The following MADD variants were observed in gnomAD, a reference collection of about 807,000 sequenced individuals.
The protein encoded by MADD is MAP kinase-activating death domain protein.
In MADD, 109 loss-of-function variants were observed where a neutral mutation model predicts 176.7. That is an observed-to-expected ratio of 0.62 (90% CI 0.53 to 0.72). The LOEUF (loss-of-function observed/expected upper bound fraction) is 0.72, where lower values mean the gene tolerates loss of function less well. Among genes scored for constraint, MADD ranks in the 30% least tolerant of loss-of-function variants. The probability of loss-of-function intolerance (pLI) is 0.00; values close to 1 mark genes in which losing one functional copy is unlikely to be tolerated. For missense variants in MADD, 1,914 were observed against 2,045.5 expected, an observed-to-expected ratio of 0.94 and a Z score of 1.24; for synonymous variants, 771 against 771.3, an observed-to-expected ratio of 1.00 and a Z score of 0.01.
intron 22 of MADD, among the ~76,000 whole-genome samples, chr11:47,307,502 T>C (rs1395992908): frequency 1.3e-5 from 2 of 152,322 alleles, no homozygotes; most frequent in East Asian, 1.9e-4. Context: ...TAGTAAAATA[T>C]TGGGCTGTGA....
chr11:47,276,635 T>G (rs2050176522), intron 4 of MADD, 97 bp from the exon 5 acceptor site: 1 of 1,462,072 alleles, frequency 6.8e-7, no homozygotes, highest in East Asian at 2.3e-5. Flanking sequence ...AGCTGTAGGC[T>G]CGATGAAGTG....
chr11:47,313,746 C>A (rs902487682), intron 26 of MADD, among the ~76,000 whole-genome samples: 3 of 151,774 alleles, frequency 2.0e-5, no homozygotes, highest in Middle Eastern at 3.2e-3. Context: ...GGAACATAGA[C>A]CCCATTTCTT....
At chr11:47,303,590 A>G (rs1014937346) in intron 22 of MADD, among the ~76,000 whole-genome samples, 3 of 140,744 alleles carry the variant, frequency 2.1e-5, no homozygotes, top group African/African-American at 7.9e-5. Context: ...TTTGACTGTA[A>G]TGTACCTTGG....
chr11:47,280,573 T>A (rs11820324), intron 7 of MADD, among the ~76,000 whole-genome samples: 18,022 of 151,748 alleles, frequency 0.12, 3,317 homozygotes, highest in African/African-American at 0.39. Context: ...TTAATTTATT[T>A]ATTTATTTTG....
exon 7 of MADD, chr11:47,279,061 G>A: frequency 1.9e-6 from 3 of 1,613,940 alleles, no homozygotes; most frequent in Non-Finnish European, 2.5e-6. Flanking sequence ...CACTAGAGCT[G>A]AAAAAGCATT....
chr11:47,284,356 C>G lies in MADD; in HGVS notation c.1967-19C>G, dbSNP rs767984889. On this transcript the variant is annotated intron_variant, in intron 11 of 32. Transcript: ENST00000402192. Reference sequence around the variant, plus strand: ...CAAGGATGGAGTGGTCTGTACCTGCCTCCCTTGGATTTTGGCAGATGTGGA... The same window carrying G: ...CAAGGATGGAGTGGTCTGTACCTGCGTCCCTTGGATTTTGGCAGATGTGGA... 1 of 1,614,106 alleles carries G rather than the reference C, an allele frequency of 6.2e-7. No homozygotes were observed. Among genetic ancestry groups the G allele is most frequent in the South Asian group, 1.1e-5 (1 of 91,080 alleles).
intron 15 of MADD, among the ~76,000 whole-genome samples, chr11:47,286,994 C>G (rs546497940): frequency 6.6e-6 from 1 of 152,244 alleles, no homozygotes; most frequent in Admixed American, 6.5e-5. Flanking sequence ...TTAATGAGTG[C>G]GCCAGGTAGT....
intron 22 of MADD, among the ~76,000 whole-genome samples, chr11:47,304,571 C>T (rs1216393839): frequency 7.5e-6 from 1 of 133,656 alleles, no homozygotes; most frequent in Non-Finnish European, 1.6e-5. Flanking sequence ...AATTATTCAG[C>T]TGCAAGATTT....
At chr11:47,293,845 C>A in intron 19 of MADD, 38 bp from the exon 22 acceptor site, 1 of 1,387,438 alleles carries the variant, frequency 7.2e-7, no homozygotes, top group Non-Finnish European at 1.0e-6. Context: ...TGCCCCTAGC[C>A]TTTGTGCACG....
intron 22 of MADD, among the ~76,000 whole-genome samples, chr11:47,303,763 G>A (rs1293866592): frequency 1.3e-5 from 2 of 151,436 alleles, no homozygotes; most frequent in South Asian, 2.1e-4. Flanking sequence ...GCACCACCAC[G>A]CTCGGCTAAT....
exon 27 of MADD, chr11:47,315,247 A>G: frequency 6.2e-7 from 1 of 1,613,710 alleles, no homozygotes; most frequent in South Asian, 1.1e-5. Context: ...TATCTGGTCC[A>G]GTGGCAGCCG....
intron 13 of MADD, 34 bp from the exon 14 acceptor site, chr11:47,285,417 G>C (rs1159887087): frequency 7.4e-6 from 12 of 1,613,346 alleles, no homozygotes; most frequent in Non-Finnish European, 1.0e-5. Flanking sequence ...AGGTACCCCT[G>C]CCTGGGGATC....
intron 8 of MADD, 61 bp downstream of exon 8, chr11:47,281,814 G>C: frequency 1.6e-6 from 2 of 1,262,648 alleles, no homozygotes; most frequent in Non-Finnish European, 2.2e-6. Flanking sequence ...CTCTCTAAGG[G>C]ACCTTGGGGC....
chr11:47,287,118 G>A (rs1311786463), intron 15 of MADD, among the ~76,000 whole-genome samples: 3 of 152,230 alleles, frequency 2.0e-5, no homozygotes, highest in Non-Finnish European at 4.4e-5. Context: ...GAGGTCAGGA[G>A]TTCGAGACCA....
chr11:47,284,238 T>C (rs1364875195), exon 11 of MADD: 3 of 1,614,074 alleles, frequency 1.9e-6, no homozygotes, highest in Non-Finnish European at 2.5e-6. Context: ...TTGGTGACTT[T>C]GTCAGTGAAA....
chr11:47,282,349 G>T, intron 8 of MADD, 32 bp from the exon 9 acceptor site: 6 of 1,578,300 alleles, frequency 3.8e-6, no homozygotes, highest in Non-Finnish European at 5.2e-6. Flanking sequence ...TACCCTATGG[G>T]TCTCAGATTA....
In MADD at chr11:47,274,431, T is replaced by C. The variant is rs2047949632; in HGVS notation, c.63-132T>C. 9 of 762,002 alleles carry C rather than the reference T, an allele frequency of 1.2e-5. No individual in the cohort carries two copies. In the South Asian group the frequency reaches 1.5e-4, roughly 13 times the overall value. 47.2% of individuals were successfully genotyped at this position (762,002 alleles called of 1,614,324 possible). On this transcript the variant is annotated intron_variant, in intron 2 of 32. Coordinates refer to ENST00000402192, the Ensembl canonical transcript of MADD. ...AGCTCCATGCGGCAGGCAGCACCCA[T>C]ATTTTCCAAGGTGTTACAGTCAGGT...
intron 22 of MADD, among the ~76,000 whole-genome samples, chr11:47,301,030 T>C (rs1391235227): frequency 3.4e-5 from 5 of 148,142 alleles, no homozygotes; most frequent in Non-Finnish European, 7.5e-5. Flanking sequence ...CTCTCTCTCT[T>C]TTTTTTTTTT....
At chr11:47,284,427 T>C (rs1353005683) in exon 12 of MADD, 1 of 1,614,080 alleles carries the variant, frequency 6.2e-7, no homozygotes, top group Admixed American at 1.7e-5. Flanking sequence ...AGGTGGAGAT[T>C]GACGAGCTGC....
Sources: gnomAD v4.1 joint callset for allele counts (sites outside exome capture counted in the v4.1 genomes callset) on GRCh38, gnomAD v4.1.1 for gene constraint, MANE v1.5 for transcripts, NCBI Gene and HGNC (gene_info 2026-07-23, HGNC 2026-07-21) for gene names.